PDE10A: variants seen among roughly 807,000 people sequenced by gnomAD.
PDE10A encodes the protein phosphodiesterase 10A.
Under a neutral mutation model 97.7 loss-of-function variants are expected in PDE10A, and 39 were observed. The ratio of observed to expected loss-of-function variants is 0.40; its 90% CI spans 0.31 to 0.52. PDE10A has a LOEUF of 0.52. PDE10A is among the 20% of genes least tolerant of loss of function. PDE10A has a pLI of 0.56. For missense variants in PDE10A, 731 were observed against 1,047.8 expected, an observed-to-expected ratio of 0.70 and a Z score of 4.17; for synonymous variants, 371 against 376.8, an observed-to-expected ratio of 0.98 and a Z score of 0.18.
chr6:165,835,862 G>C (rs1015722336), intron 1 of PDE10A, among the ~76,000 whole-genome samples: 9 of 152,148 alleles, frequency 5.9e-5, no homozygotes, highest in Admixed American at 1.3e-4. Flanking sequence ...GTTGAGCCAC[G>C]ATAAATTATC....
At chr6:165,825,145 C>CAAA (rs1199061190) in intron 1 of PDE10A, among the ~76,000 whole-genome samples, 2 of 50,908 alleles carry the variant, frequency 3.9e-5, no homozygotes, top group South Asian at 6.7e-4. Context: ...GACTCCATCT[C>CAAA]AAAAAAAAAA....
chr6:165,842,414 G>A (rs1288006477), intron 1 of PDE10A, among the ~76,000 whole-genome samples: 2 of 152,204 alleles, frequency 1.3e-5, no homozygotes, highest in African/African-American at 4.8e-5. Flanking sequence ...TGGCAGTTAG[G>A]CCTTTGCATA....
At position 165,661,985 on chromosome 6, in the gene PDE10A, C is replaced by T. The variant is rs1790291856; in HGVS notation, c.827G>A (p.Ser276Asn). Residue 276 changes from serine to asparagine, a missense_variant, in exon 1 of 22, where the codon AGC (serine) becomes AAC (asparagine). Physicochemically the swap from Ser to Asn is conservative, Grantham distance 46. Around this residue, in one of 8 missense-constraint regions of PDE10A, gnomAD observed 181 missense variants for 159.1 expected, o/e 1.14. Coordinates refer to ENST00000539869, the MANE Select transcript of PDE10A (RefSeq NM_001385079.1). The surrounding 1 kb of genome is among the most constrained non-coding windows in gnomAD (Gnocchi z 4.8). ...GCACTCGGTCAGCCTTCGGAAGCAG[C>T]TCGCATTATTAGAAGGTCCATCTTC... is the stretch of plus-strand genomic sequence containing the variant. ...DMEDGPSNNA[S>N]CFRRLTECFL... 2 of 1,341,268 alleles carry T rather than the reference C, an allele frequency of 1.5e-6. No homozygotes were observed. Among genetic ancestry groups the T allele is most frequent in the African/African-American group, 3.0e-5 (2 of 67,518 alleles). 83.1% of individuals were successfully genotyped at this position (1,341,268 alleles called of 1,614,324 possible).
intron 2 of PDE10A, among the ~76,000 whole-genome samples, chr6:165,524,975 C>T (rs1583465142): frequency 6.6e-6 from 1 of 152,156 alleles, no homozygotes; most frequent in South Asian, 2.1e-4. Context: ...TGCCATCAGC[C>T]TTTCCACCTT....
At chr6:165,586,803 T>C (rs1785939577) in intron 1 of PDE10A, among the ~76,000 whole-genome samples, 1 of 152,158 alleles carries the variant, frequency 6.6e-6, no homozygotes, top group Non-Finnish European at 1.5e-5. Context: ...TGAAATTTGG[T>C]TGGAAGCCAA....
At chr6:165,528,571 G>T (rs680963) in intron 2 of PDE10A, among the ~76,000 whole-genome samples, 105,305 of 152,118 alleles carry the variant, frequency 0.69, 39,760 homozygotes, top group Non-Finnish European at 0.83. Flanking sequence ...CAATGGAATA[G>T]ACACTTACTC....
chr6:165,841,875 T>C (rs1780271193), intron 1 of PDE10A, among the ~76,000 whole-genome samples: 1 of 152,358 alleles, frequency 6.6e-6, no homozygotes, highest in South Asian at 2.1e-4. Flanking sequence ...ATCTCAACTA[T>C]GAATATGACG....
chr6:165,357,934 T>G (rs1783138085), intron 18 of PDE10A, among the ~76,000 whole-genome samples: 1 of 152,158 alleles, frequency 6.6e-6, no homozygotes, highest in African/African-American at 2.4e-5. Flanking sequence ...AAATCACTGA[T>G]GAACATACAC....
intron 12 of PDE10A, among the ~76,000 whole-genome samples, chr6:165,415,355 GTTAT>G (rs1277492085): frequency 1.3e-5 from 2 of 152,070 alleles, no homozygotes; most frequent in Non-Finnish European, 2.9e-5. Context: ...TATTGCTTAT[GTTAT>G]TTGTCTCTTA....
chr6:165,496,436 C>A (rs548083203), intron 2 of PDE10A, among the ~76,000 whole-genome samples: 35 of 152,222 alleles, frequency 2.3e-4, no homozygotes, highest in Admixed American at 1.6e-3. Context: ...GTTTCTTGAC[C>A]TTTTCAAACT....
intron 19 of PDE10A, among the ~76,000 whole-genome samples, chr6:165,340,136 C>T (rs1364244711): frequency 6.6e-6 from 1 of 152,160 alleles, no homozygotes; most frequent in African/African-American, 2.4e-5. Context: ...AATATTATTT[C>T]ATTTAATCCT....
intron 1 of PDE10A, chr6:165,939,465 C>T (rs977406505): frequency 6.6e-5 from 10 of 152,080 alleles, no homozygotes; most frequent in African/African-American, 2.4e-4. Context: ...ATTTTTTGGA[C>T]TTTTAAATTT....
intron 13 of PDE10A, among the ~76,000 whole-genome samples, chr6:165,407,011 T>C (rs1662170748): frequency 6.6e-6 from 1 of 152,138 alleles, no homozygotes; most frequent in Admixed American, 6.5e-5. Context: ...TGAGCTATGC[T>C]ACTGGCTTTC....
chr6:165,620,107 T>G (rs751510762), intron 1 of PDE10A, among the ~76,000 whole-genome samples: 2 of 152,200 alleles, frequency 1.3e-5, no homozygotes, highest in African/African-American at 2.4e-5. Flanking sequence ...TCTCCATTAA[T>G]TGTATTATTT....
At chr6:165,553,203 T>C (rs549665661) in intron 1 of PDE10A, among the ~76,000 whole-genome samples, 62 of 152,314 alleles carry the variant, frequency 4.1e-4, no homozygotes, top group Middle Eastern at 6.8e-3. Context: ...AAGAGATAGA[T>C]AGGCTCTAAA....
chr6:165,439,228 T>C (rs562402246), intron 5 of PDE10A, among the ~76,000 whole-genome samples: 2 of 152,288 alleles, frequency 1.3e-5, no homozygotes, highest in East Asian at 3.9e-4. Context: ...AAGGCTCTTA[T>C]ACATATGTTT....
Position 165,869,761 on chromosome 6 carries a change from C to T in PDE10A, c.-615+117768G>A, listed in dbSNP as rs116883608. ...TATAAACACAGACACAAAGACCAAT[C>T]GAACAGAATAGAGAATCAGAAACAA... On this transcript the variant is annotated intron_variant, in intron 1 of 19. Transcript: ENST00000366882. Among the ~76,000 whole-genome samples, 715 of 152,026 alleles carry T rather than the reference C, an allele frequency of 4.7e-3. 2 individuals are homozygous for T. The highest frequency in any genetic ancestry group is 9.6e-3 in the Admixed American group (146 of 15,256).
intron 1 of PDE10A, among the ~76,000 whole-genome samples, chr6:165,861,739 G>A (rs939651745): frequency 1.3e-5 from 2 of 152,084 alleles, no homozygotes; most frequent in African/African-American, 2.4e-5. Flanking sequence ...GAGGGGCTGC[G>A]AGAAGTTAGG....
At chr6:165,775,856 A>G (rs1298793206) in intron 1 of PDE10A, 2 of 152,250 alleles carry the variant, frequency 1.3e-5, no homozygotes, top group Non-Finnish European at 2.9e-5. Context: ...TGGAACTTGT[A>G]TTAGAGCTCA....
Sources: gnomAD v4.1 joint callset for allele counts (sites outside exome capture counted in the v4.1 genomes callset) on GRCh38, gnomAD v4.1.1 for gene constraint, gnomAD v4.1.1 regional missense constraint, Gnocchi (gnomAD v3.1) non-coding constraint, MANE v1.5 for transcripts, NCBI Gene and HGNC (gene_info 2026-07-23, HGNC 2026-07-21) for gene names.